The following LURAP1L variants were observed in gnomAD, a reference collection of about 807,000 sequenced individuals.
LURAP1L encodes the protein leucine rich adaptor protein 1 like.
Under a neutral mutation model 13.8 loss-of-function variants are expected in LURAP1L, and 12 were observed. The ratio of observed to expected loss-of-function variants is 0.87; its 90% CI spans 0.56 to 1.41. LURAP1L has a LOEUF of 1.41. LURAP1L is among the 40% of genes most tolerant of loss of function. LURAP1L has a pLI of 0.00. For synonymous variants in LURAP1L, 139 were observed against 119.2 expected, an observed-to-expected ratio of 1.17 and a Z score of -1.08; for missense variants, 375 against 292.9, an observed-to-expected ratio of 1.28 and a Z score of -2.04.
At chr9:12,802,094 T>G (rs1204408326) in intron 1 of LURAP1L, among the ~76,000 whole-genome samples, 3 of 152,102 alleles carry the variant, frequency 2.0e-5, no homozygotes, top group Admixed American at 6.5e-5. Flanking sequence ...GGTGTCAGTC[T>G]AAGCTGTAGT....
chr9:12,784,844 G>C (rs775675346), intron 1 of LURAP1L, among the ~76,000 whole-genome samples: 3 of 150,472 alleles, frequency 2.0e-5, no homozygotes, highest in African/African-American at 7.3e-5. Context: ...GTCTGGAGTC[G>C]GGAACTTTAG....
intron 1 of LURAP1L, among the ~76,000 whole-genome samples, chr9:12,798,742 T>C (rs1278607146): frequency 6.6e-6 from 1 of 152,190 alleles, no homozygotes; most frequent in African/African-American, 2.4e-5. Context: ...TACAGGACAA[T>C]AGGAATAGAA....
At chr9:12,808,973 C>T (rs1449306729) in intron 1 of LURAP1L, among the ~76,000 whole-genome samples, 1 of 152,156 alleles carries the variant, frequency 6.6e-6, no homozygotes, top group African/African-American at 2.4e-5. Flanking sequence ...CAAGGTGCCA[C>T]CATCTACTTC....
intron 1 of LURAP1L, among the ~76,000 whole-genome samples, chr9:12,820,804 T>G (rs1050657921): frequency 1.9e-4 from 29 of 151,396 alleles, no homozygotes; most frequent in Admixed American, 3.3e-4. Context: ...TTTGTACTCT[T>G]AACTCTTTTC....
chr9:12,793,376 A>G (rs1027890045), intron 1 of LURAP1L, among the ~76,000 whole-genome samples: 1 of 152,104 alleles, frequency 6.6e-6, no homozygotes, highest in African/African-American at 2.4e-5. Context: ...TGAAGGTGAT[A>G]CTTATCAGTG....
intron 1 of LURAP1L, 26 bp downstream of exon 1, chr9:12,776,053 G>A (rs377029141): frequency 5.5e-5 from 88 of 1,610,648 alleles, no homozygotes; most frequent in Middle Eastern, 1.7e-4. Flanking sequence ...CAGCCGCGGG[G>A]GCTGGGACCT....
chr9:12,810,831 AC>A (rs1819726446), intron 1 of LURAP1L, among the ~76,000 whole-genome samples: 1 of 152,168 alleles, frequency 6.6e-6, no homozygotes, highest in African/African-American at 2.4e-5. Context: ...GGAGAGTCCC[AC>A]CCAAAAGTTT....
intron 1 of LURAP1L, chr9:12,790,709 A>C (rs1007936143): frequency 2.0e-5 from 3 of 151,488 alleles, no homozygotes; most frequent in African/African-American, 7.3e-5. Flanking sequence ...CATTGTTCTC[A>C]GAGTTGTCGG....
chr9:12,779,360 C>T (rs1265452123), intron 1 of LURAP1L, among the ~76,000 whole-genome samples: 4 of 149,796 alleles, frequency 2.7e-5, no homozygotes, highest in Non-Finnish European at 5.9e-5. Flanking sequence ...CTGCAAGCTC[C>T]GCCTCCCAGG....
At chr9:12,812,296 G>A (rs898631515) in intron 1 of LURAP1L, among the ~76,000 whole-genome samples, 2 of 152,198 alleles carry the variant, frequency 1.3e-5, no homozygotes, top group African/African-American at 2.4e-5. Context: ...GAACTTGTTA[G>A]AAGTACAGAA....
chr9:12,805,666 C>G (rs556322748), intron 1 of LURAP1L, among the ~76,000 whole-genome samples: 1 of 152,282 alleles, frequency 6.6e-6, no homozygotes, highest in South Asian at 2.1e-4. Context: ...ATATAGGTTA[C>G]CAAGTGATCT....
intron 1 of LURAP1L, among the ~76,000 whole-genome samples, chr9:12,796,636 A>T (rs1306172799): frequency 6.6e-6 from 1 of 152,028 alleles, no homozygotes; most frequent in Admixed American, 6.6e-5. Flanking sequence ...TCCTTTTACG[A>T]TAAAATTTTG....
intron 1 of LURAP1L, among the ~76,000 whole-genome samples, chr9:12,799,001 C>T (rs149251238): frequency 2.0e-5 from 3 of 151,942 alleles, no homozygotes; most frequent in African/African-American, 7.3e-5. Flanking sequence ...TTTTTTAATC[C>T]AGTCCTAAAC....
chr9:12,815,202 C>G (rs1819787851), intron 1 of LURAP1L, among the ~76,000 whole-genome samples: 1 of 152,074 alleles, frequency 6.6e-6, no homozygotes, highest in South Asian at 2.1e-4. Flanking sequence ...CTGTGATCAT[C>G]AAATTGAGGA....
intron 1 of LURAP1L, among the ~76,000 whole-genome samples, chr9:12,806,814 C>T (rs1819663940): frequency 6.6e-6 from 1 of 151,630 alleles, no homozygotes. Flanking sequence ...AGTGTTGTCG[C>T]TATGCTCTAC....
Position 12,821,438 on chromosome 9 carries a change from A to T in LURAP1L, c.365A>T (p.Asn122Ile). 6.2e-7 allele frequency: 1 copy of T among 1,614,138 alleles called. No homozygotes were observed. Among genetic ancestry groups the T allele is most frequent in the Non-Finnish European group, 8.5e-7 (1 of 1,180,018 alleles). ...CTCATGCGCCAGTTGCTTGTAATCAATGAGAGCATCGAGTCCATCAAGTGG... is the reference window on the plus strand; with the variant it reads ...CTCATGCGCCAGTTGCTTGTAATCATTGAGAGCATCGAGTCCATCAAGTGG... ...VRLMRQLLVI[N>I]ESIESIKWMI... Residue 122 changes from asparagine to isoleucine, a missense_variant, in exon 2 of 2, where the codon AAT becomes ATT. Coordinates refer to ENST00000319264, the MANE Select transcript of LURAP1L (RefSeq NM_203403.2).
intron 1 of LURAP1L, among the ~76,000 whole-genome samples, chr9:12,818,822 G>A (rs1276311829): frequency 3.3e-5 from 5 of 152,146 alleles, no homozygotes; most frequent in African/African-American, 1.2e-4. Context: ...TTATTTGGGT[G>A]GCTATTGGGA....
Position 12,779,266 on chromosome 9 carries a change from CTTTTTTTT to C in LURAP1L, c.312+3258_312+3265del, listed in dbSNP as rs71329885. 6.0e-3 allele frequency among the ~76,000 whole-genome samples: 546 copies of C among 90,270 alleles called. 1 individual carries two copies. The highest frequency in any genetic ancestry group is 0.02 in the African/African-American group (486 of 24,238). The allele number at this position is 90,270 out of a possible 152,430, so 59.2% of individuals were successfully genotyped here. On this transcript the variant is annotated intron_variant, in intron 1 of 1. Coordinates refer to ENST00000319264, the MANE Select transcript of LURAP1L (RefSeq NM_203403.2). ...TATTATCCCGTTGAAATCTTATAAT[CTTTTTTTT>C]TTTTTTTTTTTTTTTTTTGAGACGG...
chr9:12,799,619 G>A (rs1360201066), intron 1 of LURAP1L, among the ~76,000 whole-genome samples: 2 of 152,050 alleles, frequency 1.3e-5, no homozygotes, highest in Non-Finnish European at 2.9e-5. Flanking sequence ...GGTGGCTCAC[G>A]CCTGTAATCC....
Sources: gnomAD v4.1 joint callset for allele counts (sites outside exome capture counted in the v4.1 genomes callset) on GRCh38, gnomAD v4.1.1 for gene constraint, MANE v1.5 for transcripts, NCBI Gene and HGNC (gene_info 2026-07-23, HGNC 2026-07-21) for gene names.